MAP2: variants seen among roughly 807,000 people sequenced by gnomAD.
MAP2 encodes microtubule-associated protein 2.
Under a neutral mutation model 137.6 loss-of-function variants are expected in MAP2, and 14 were observed. The observed-to-expected ratio is 0.10, with a 90% CI of 0.07 to 0.16. The LOEUF (loss-of-function observed/expected upper bound fraction) is 0.16, where lower values mean the gene tolerates loss of function less well. Among genes scored for constraint, MAP2 ranks in the 10% least tolerant of loss-of-function variants. The pLI is 1.00. For missense variants in MAP2, 2,088 were observed against 2,191.5 expected, an observed-to-expected ratio of 0.95 and a Z score of 0.94; for synonymous variants, 786 against 782.3, an observed-to-expected ratio of 1.00 and a Z score of -0.08.
At chr2:209,628,383 T>C (rs1023889468) in intron 4 of MAP2, among the ~76,000 whole-genome samples, 1 of 151,866 alleles carries the variant, frequency 6.6e-6, no homozygotes, top group African/African-American at 2.4e-5. Context: ...GTTTGTTTGT[T>C]TCTAACAACC....
intron 2 of MAP2, among the ~76,000 whole-genome samples, chr2:209,550,989 A>G (rs1470215826): frequency 2.0e-5 from 3 of 152,026 alleles, no homozygotes; most frequent in Non-Finnish European, 4.4e-5. Flanking sequence ...TCCCAATTTC[A>G]TTTTTGTTCA....
chr2:209,668,362 G>A (rs1279418337), intron 5 of MAP2, among the ~76,000 whole-genome samples: 1 of 151,742 alleles, frequency 6.6e-6, no homozygotes, highest in Non-Finnish European at 1.5e-5. Flanking sequence ...TTCAACAAAC[G>A]CCCCAGAGAT....
At chr2:209,559,161 A>G (rs1470970963) in intron 2 of MAP2, among the ~76,000 whole-genome samples, 1 of 152,024 alleles carries the variant, frequency 6.6e-6, no homozygotes, top group Non-Finnish European at 1.5e-5. Context: ...TCTTCTCTAA[A>G]GAAGACTTTT....
At position 209,696,921 on chromosome 2, in the gene MAP2, T is replaced by C. The variant is rs766166764; in HGVS notation, c.4392T>C (p.Val1464=). The C allele has an allele frequency of 4.4e-6, 7 of 1,599,700 alleles. No individual in the cohort carries two copies. The South Asian group carries it at 8.0e-5, about 18-fold the overall frequency. ...TTTGTGTTTTCTTATTCATAGCAGTTTATAAGAAGGCTGAACTTGCTAAAA... is the reference window on the plus strand; with the variant it reads ...TTTGTGTTTTCTTATTCATAGCAGTCTATAAGAAGGCTGAACTTGCTAAAA... ...SRDEVRRKKA[V]YKKAELAKKT... The change falls in exon 10 of 16, where the codon GTT becomes GTC. Residue 1464 remains valine, a synonymous_variant. Coordinates refer to ENST00000682079, the MANE Select transcript of MAP2 (RefSeq NM_001375505.1).
chr2:209,545,583 G>A (rs79436297), intron 2 of MAP2, among the ~76,000 whole-genome samples: 4,123 of 152,226 alleles, frequency 0.027, 191 homozygotes, highest in African/African-American at 0.094. Context: ...ACATAAATCA[G>A]TTTGGCTTTT....
At chr2:209,513,601 C>A (rs1261429059) in intron 2 of MAP2, among the ~76,000 whole-genome samples, 1 of 152,032 alleles carries the variant, frequency 6.6e-6, no homozygotes, top group African/African-American at 2.4e-5. Context: ...ACTGTATCCT[C>A]TCTCGGCCCC....
At position 209,686,651 on chromosome 2, in the gene MAP2, T is replaced by C. The variant is rs139528060; in HGVS notation, c.454+5824T>C. 3.3e-5 allele frequency among the ~76,000 whole-genome samples: 5 copies of C among 152,316 alleles called. 1 individual carries two copies. The East Asian group carries it at 5.8e-4, about 18-fold the overall frequency. Reference sequence around the variant, plus strand: ...CAGAAGCCAAGTGCTCACTGAGTTATACGAGAATCCAAATGCTAAGCAGAC... The same window carrying C: ...CAGAAGCCAAGTGCTCACTGAGTTACACGAGAATCCAAATGCTAAGCAGAC... On this transcript the variant is annotated intron_variant, in intron 7 of 15. Coordinates refer to ENST00000682079, the MANE Select transcript of MAP2 (RefSeq NM_001375505.1).
chr2:209,435,996 A>ATAATATATACAGTATATATT (rs1696014240), intron 1 of MAP2, among the ~76,000 whole-genome samples: 1 of 70,286 alleles, frequency 1.4e-5, no homozygotes, highest in Non-Finnish European at 2.4e-5. Flanking sequence ...TATATTATAT[A>ATAATATATACAGTATATATT]CTATATATAC....
intron 5 of MAP2, among the ~76,000 whole-genome samples, chr2:209,670,097 C>T (rs750123174): frequency 2.0e-4 from 30 of 151,950 alleles, no homozygotes; most frequent in African/African-American, 4.3e-4. Context: ...TCAATTCCCT[C>T]AGTGCCTTAA....
At position 209,442,746 on chromosome 2, in the gene MAP2, A is replaced by G. The variant is rs1049733259; in HGVS notation, c.-222+18470A>G. Reference sequence around the variant, plus strand: ...GTGTTCTGCAGGCACTTGAAACTCAACATGTTCATAATGAAACTTATTTCA... The same window carrying G: ...GTGTTCTGCAGGCACTTGAAACTCAGCATGTTCATAATGAAACTTATTTCA... On this transcript the variant is annotated intron_variant, in intron 1 of 15. Coordinates refer to ENST00000682079, the MANE Select transcript of MAP2 (RefSeq NM_001375505.1). Among the ~76,000 whole-genome samples the G allele has an allele frequency of 4.0e-5, 6 of 151,602 alleles. No individual in the cohort carries two copies. The Admixed American group carries it at 4.0e-4, about 10-fold the overall frequency.
intron 2 of MAP2, among the ~76,000 whole-genome samples, chr2:209,537,229 A>G (rs181258206): frequency 1.3e-5 from 2 of 152,166 alleles, no homozygotes; most frequent in African/African-American, 4.8e-5. Flanking sequence ...TATTTTTTGT[A>G]TCTGTTATGG....
intron 2 of MAP2, among the ~76,000 whole-genome samples, chr2:209,576,502 C>T (rs2075394773): frequency 6.6e-6 from 1 of 152,092 alleles, no homozygotes; most frequent in Admixed American, 6.6e-5. Flanking sequence ...CCACCTCAGC[C>T]TCCCAAAGTG....
chr2:209,552,269 A>T (rs564266489), intron 2 of MAP2, among the ~76,000 whole-genome samples: 1 of 152,146 alleles, frequency 6.6e-6, no homozygotes, highest in Non-Finnish European at 1.5e-5. Context: ...GTCAATCCCT[A>T]ACCTGTTATG....
At chr2:209,524,415 C>T (rs2063728311) in intron 2 of MAP2, among the ~76,000 whole-genome samples, 1 of 151,670 alleles carries the variant, frequency 6.6e-6, no homozygotes, top group African/African-American at 2.4e-5. Context: ...TAGAGATATA[C>T]ATTGGAATCA....
chr2:209,552,734 A>ACCTGTAGTC (rs1158701384), intron 2 of MAP2, among the ~76,000 whole-genome samples: 21 of 151,766 alleles, frequency 1.4e-4, no homozygotes, highest in Middle Eastern at 3.4e-3. Context: ...TGTGGCACGC[A>ACCTGTAGTC]CCTGTAGTCC....
intron 4 of MAP2, among the ~76,000 whole-genome samples, chr2:209,628,378 TTTG>T (rs1559440951): frequency 1.3e-5 from 2 of 152,140 alleles, no homozygotes; most frequent in African/African-American, 4.8e-5. Flanking sequence ...TGAAAGTTTG[TTTG>T]TTTCTAACAA....
intron 15 of MAP2, 57 bp from the exon 16 acceptor site, chr2:209,730,125 A>G: frequency 7.1e-7 from 1 of 1,398,798 alleles, no homozygotes; most frequent in South Asian, 1.2e-5. Context: ...ATGGAGAAAG[A>G]GGTAGGGGCC....
intron 3 of MAP2, among the ~76,000 whole-genome samples, chr2:209,589,926 CT>C (rs1238894404): frequency 1.3e-5 from 2 of 152,154 alleles, no homozygotes; most frequent in African/African-American, 4.8e-5. Context: ...AAAGTTTAAA[CT>C]GGATCTCAGT....
At position 209,733,822 on chromosome 2, in the gene MAP2, T is replaced by G. The variant is rs1254062640; in HGVS notation, c.*3425T>G. 6.6e-6 allele frequency: 1 copy of G among 152,546 alleles called. No individual in the cohort carries two copies. The highest frequency in any genetic ancestry group is 1.5e-5 in the Non-Finnish European group (1 of 68,038). The allele number at this position is 152,546 out of a possible 1,614,324, so 9.4% of individuals were successfully genotyped here. A position where few individuals can be genotyped will look rare whatever the true frequency, so the allele number is the denominator to read the frequency against. ...AAGACTCTCTGCAGGAAAAAGCTTA[T>G]TTTCAAACTCAGAAAATAAAATGTC... On this transcript the variant is annotated 3_prime_UTR_variant, in exon 16 of 16. Transcript: ENST00000682079.
Sources: gnomAD v4.1 joint callset for allele counts (sites outside exome capture counted in the v4.1 genomes callset) on GRCh38, gnomAD v4.1.1 for gene constraint, MANE v1.5 for transcripts, NCBI Gene and HGNC (gene_info 2026-07-23, HGNC 2026-07-21) for gene names.